Variants in SLC49A3 observed in about 807,000 individuals in gnomAD.
The protein encoded by SLC49A3 is solute carrier family 49 member 3, also known as solute carrier family 49 member A3.
In SLC49A3, 50 loss-of-function variants were observed where a neutral mutation model predicts 43.8. The ratio of observed to expected loss-of-function variants is 1.14; its 90% CI spans 0.91 to 1.45. The LOEUF (loss-of-function observed/expected upper bound fraction) is 1.45. Among genes scored for constraint, SLC49A3 ranks in the 40% most tolerant of loss-of-function variants. SLC49A3 has a pLI of 0.00. For missense variants in SLC49A3, 906 were observed against 774.1 expected, an observed-to-expected ratio of 1.17 and a Z score of -2.02; for synonymous variants, 413 against 352.0, an observed-to-expected ratio of 1.17 and a Z score of -1.94.
upstream of SLC49A3, among the ~76,000 whole-genome samples, chr4:690,013 G>A (rs1741744222): frequency 6.6e-6 from 1 of 152,206 alleles, no homozygotes; most frequent in African/African-American, 2.4e-5. Context: ...CAAACAGGGA[G>A]GCTCTCTTGA....
At chr4:677,408 G>A (rs925053547), downstream of SLC49A3, among the ~76,000 whole-genome samples, 2 of 152,200 alleles carry the variant, frequency 1.3e-5, no homozygotes, top group Admixed American at 6.5e-5. Context: ...CAGCCCATCT[G>A]AGCAACGTGG....
Position 684,707 on chromosome 4 carries a change from C to T in SLC49A3, c.723+12G>A. ...CAAATCCACCCTACCCCGGGGATCC[C>T]ACGGCACTGACCAGCTTGAGCCCAT... On this transcript the variant is annotated intron_variant, in intron 5 of 9. Transcript: ENST00000322224. The T allele has an allele frequency of 6.2e-7, 1 of 1,609,426 alleles. No individual in the cohort carries two copies. Among genetic ancestry groups the T allele is most frequent in the African/African-American group, 1.3e-5 (1 of 74,846 alleles).
In SLC49A3 at chr4:685,931, A is replaced by C. The variant is rs576663976; in HGVS notation, c.509-20T>G. The C allele has an allele frequency of 6.4e-5, 104 of 1,613,784 alleles. No individual in the cohort carries two copies. The highest frequency in any genetic ancestry group is 1.5e-4 in the Admixed American group (9 of 60,024). On this transcript the variant is annotated intron_variant, in intron 3 of 9. Transcript: ENST00000322224. The surrounding 1 kb of genome is among the most constrained non-coding windows in gnomAD (Gnocchi z 4.3). ...GGTTCGCTGGGTGGGCGGATGCACAAAGTGTCAGCTCGGCTGTGGCCTGGC... is the reference window on the plus strand; with the variant it reads ...GGTTCGCTGGGTGGGCGGATGCACACAGTGTCAGCTCGGCTGTGGCCTGGC...
chr4:689,175 C>CTTA (rs1741630590), upstream of SLC49A3: 9 of 1,243,456 alleles, frequency 7.2e-6, no homozygotes, highest in Middle Eastern at 1.5e-3. Flanking sequence ...GCCGCCCGGG[C>CTTA]TTAAGGACCT....
rs954931727 is a variant in SLC49A3, at chr4:681,937, C to T, written c.*21G>A. On this transcript the variant is annotated 3_prime_UTR_variant, in exon 10 of 10. Coordinates refer to ENST00000322224, the MANE Select transcript of SLC49A3 (RefSeq NM_032219.4). ...TCGCCTCCATCGATGTGGCGGGCAA[C>T]CTGGACTACAAGGCGCTCAGCTACG... 5 of 1,331,972 alleles carry T rather than the reference C, an allele frequency of 3.8e-6. No homozygotes were observed. Among genetic ancestry groups the T allele is most frequent in the South Asian group, 2.4e-5 (1 of 41,648 alleles). The allele number at this position is 1,331,972 out of a possible 1,614,324, so 82.5% of individuals were successfully genotyped here. A position where few individuals can be genotyped will look rare whatever the true frequency, so the allele number is the denominator to read the frequency against.
downstream of SLC49A3, among the ~76,000 whole-genome samples, chr4:677,065 G>C (rs1230697596): frequency 6.6e-6 from 1 of 152,198 alleles, no homozygotes; most frequent in African/African-American, 2.4e-5. Context: ...ACCTGCTGTT[G>C]TGGCTGCATA....
chr4:679,923 A>G (rs527604543), downstream of SLC49A3: 1 of 1,613,644 alleles, frequency 6.2e-7, no homozygotes, highest in East Asian at 2.2e-5. Context: ...GGCAAGACCA[A>G]CGTCAAGGAC....
Position 683,266 on chromosome 4 carries a change from G to T in SLC49A3, c.1095C>A (p.Val365=). The T allele has an allele frequency of 6.2e-7, 1 of 1,612,664 alleles. No homozygotes were observed. Among genetic ancestry groups the T allele is most frequent in the Non-Finnish European group, 8.5e-7 (1 of 1,179,880 alleles). Residue 365 remains valine, a synonymous_variant, in exon 8 of 10, where the codon GTC becomes GTA. Transcript: ENST00000322224. ...CCTCCCCCACGGGGAAGGAACACTC[G>T]ACCGCCAACTCCATGGCCACGGGGC... ...SVGPVAMELA[V]ECSFPVGEGA... is the part of the protein sequence containing the mutation.
downstream of SLC49A3, chr4:677,925 G>A (rs1739008458): frequency 1.8e-5 from 29 of 1,597,312 alleles, no homozygotes; most frequent in Non-Finnish European, 2.2e-5. Flanking sequence ...CTTGTAGGGA[G>A]TGGCAGCCGG....
At position 686,205 on chromosome 4, in the gene SLC49A3, C is replaced by G; in HGVS notation, c.392G>C (p.Gly131Ala). 1 of 1,613,588 alleles carries G rather than the reference C, an allele frequency of 6.2e-7. No homozygotes were observed. Among genetic ancestry groups the G allele is most frequent in the Admixed American group, 1.7e-5 (1 of 60,030 alleles). ...GTQNPFAFLM[G>A]GQSLCALAQS... is the part of the protein sequence containing the mutation. ...GGCAAGGGCACAGAGGCTCTGGCCA[C>G]CCATGAGGAAGGCAAATGGGTTTTG... Residue 131 changes from glycine (G) to alanine (A), a missense_variant, in exon 3 of 10, where the codon GGT (glycine) becomes GCT (alanine). Transcript: ENST00000322224.
intron 9 of SLC49A3, 81 bp from the exon 10 acceptor site, chr4:682,457 A>C: frequency 2.4e-6 from 3 of 1,261,080 alleles, no homozygotes; most frequent in South Asian, 3.3e-5. Flanking sequence ...GCCTATGGTG[A>C]CCCCACTACC....
downstream of SLC49A3, chr4:681,808 A>T (rs1430730746): frequency 5.7e-6 from 7 of 1,221,088 alleles, no homozygotes; most frequent in African/African-American, 1.1e-4. Context: ...CCCGCGGCGC[A>T]GAAACCACAC....
Position 685,026 on chromosome 4 carries a change from G to T in SLC49A3, c.586-170C>A. The T allele has an allele frequency of 2.3e-6, 2 of 868,390 alleles. No individual in the cohort carries two copies. The highest frequency in any genetic ancestry group is 3.4e-6 in the Non-Finnish European group (2 of 591,882). 53.8% of individuals were successfully genotyped at this position (868,390 alleles called of 1,614,324 possible). The stretch of plus-strand genomic sequence containing the variant: ...GCGAGGCCCAGGCTGGGAGGGGCCT[G>T]CTCCAGGGGCTCATGGGGACCCCTG... On this transcript the variant is annotated intron_variant, in intron 4 of 9. Coordinates refer to ENST00000322224, the MANE Select transcript of SLC49A3 (RefSeq NM_032219.4). This position sits in a 1 kb window ranked among gnomAD's most constrained non-coding sequence, Gnocchi z 4.3.
rs764895570 is a variant in SLC49A3 at position 682,816 on chromosome 4, G to A, written c.1226C>T (p.Thr409Ile). 3.7e-6 allele frequency: 6 copies of A among 1,601,930 alleles called. No individual in the cohort carries two copies. In the Admixed American group the frequency reaches 6.7e-5, roughly 18 times the overall value. Reference protein sequence around the residue: ...TVRRSEPSLSTCQQGEDPLDW... With the variant: ...TVRRSEPSLSICQQGEDPLDW... ...AAGTGGATCCTCCCCCTGCTGGCAG[G>A]TGGACAAGGACGGCTCCGAGCGTCG... The change falls in exon 9 of 10, where the codon ACC becomes ATC. Residue 409 changes from threonine (T) to isoleucine (I), a missense_variant. Coordinates refer to ENST00000322224, the MANE Select transcript of SLC49A3 (RefSeq NM_032219.4).
chr4:681,923 G>A lies in SLC49A3; in HGVS notation c.*35C>T, dbSNP rs763972713. The A allele has an allele frequency of 7.6e-7, 1 of 1,319,612 alleles. No homozygotes were observed. 81.7% of individuals were successfully genotyped at this position (1,319,612 alleles called of 1,614,324 possible). A position where few individuals can be genotyped will look rare whatever the true frequency, so the allele number is the denominator to read the frequency against. On this transcript the variant is annotated 3_prime_UTR_variant, in exon 10 of 10. Coordinates refer to ENST00000322224, the MANE Select transcript of SLC49A3 (RefSeq NM_032219.4). ...CCAGATGTTCCAGTTCGCCTCCATC[G>A]ATGTGGCGGGCAACCTGGACTACAA...
upstream of SLC49A3, among the ~76,000 whole-genome samples, chr4:690,366 T>A (rs568004514): frequency 1.1e-4 from 16 of 152,084 alleles, no homozygotes; most frequent in African/African-American, 3.9e-4. Flanking sequence ...TCCTCTGCCT[T>A]CCCCACCGTC....
chr4:679,117 T>C (rs749193797), downstream of SLC49A3: 6 of 1,129,588 alleles, frequency 5.3e-6, no homozygotes, highest in African/African-American at 2.6e-5. Flanking sequence ...CGGCCCCTCC[T>C]CGAATGGAGC....
At chr4:686,451 G>A in intron 2 of SLC49A3, 81 bp downstream of exon 2, 6 of 1,567,798 alleles carry the variant, frequency 3.8e-6, no homozygotes, top group South Asian at 1.2e-5. Context: ...GCCCCGGTCT[G>A]GGGAGGCCTT....
chr4:686,609 G>A lies in SLC49A3; in HGVS notation c.217C>T (p.Leu73=), dbSNP rs1741092358. The A allele has an allele frequency of 6.2e-7, 1 of 1,613,348 alleles. No individual in the cohort carries two copies. The highest frequency in any genetic ancestry group is 8.5e-7 in the Non-Finnish European group (1 of 1,179,952). Residue 73 remains leucine (L), a synonymous_variant, in exon 2 of 10, where the codon CTG becomes TTG. Transcript: ENST00000322224. ...GGGGTGGATACCACGAGGTAGACCA[G>A]TGACAGCCAGTTGATCTGCTCCATG... ...LSMEQINWLS[L]VYLVVSTPFG... is the part of the protein sequence containing the mutation.
Sources: allele counts gnomAD v4.1 joint callset (sites outside exome capture counted in the v4.1 genomes callset), GRCh38; gene constraint gnomAD v4.1.1; non-coding constraint Gnocchi (gnomAD v3.1); transcripts MANE v1.5; gene names NCBI Gene and HGNC (gene_info 2026-07-23, HGNC 2026-07-21).